Variants in CLEC17A observed in about 807,000 individuals in gnomAD.
CLEC17A encodes C-type lectin domain family 17, member A.
In CLEC17A, 37 loss-of-function variants were observed where a neutral mutation model predicts 61.3. The ratio of observed to expected loss-of-function variants is 0.60; its 90% CI spans 0.46 to 0.79. The LOEUF is 0.79. Ranked by LOEUF, CLEC17A falls within the 30% of genes least tolerant of loss-of-function variation. CLEC17A has a pLI of 0.00. For missense variants in CLEC17A, 418 were observed against 464.7 expected, an observed-to-expected ratio of 0.90 and a Z score of 0.92; for synonymous variants, 168 against 164.9, an observed-to-expected ratio of 1.02 and a Z score of -0.14.
In CLEC17A at chr19:14,597,092, T is replaced by C. The variant is rs73925008; in HGVS notation, c.584-7T>C. 1.7e-3 allele frequency: 2,795 copies of C among 1,613,086 alleles called. 42 individuals carry two copies. In the African/African-American group the frequency reaches 0.033, roughly 19 times the overall value. ...GACCTGGGCTCAATTTGGACTCTTC[T>C]TCATAGACCAGGAGTTGATGGAAGA... On this transcript the variant is annotated splice_polypyrimidine_tract_variant and splice_region_variant and intron_variant, in intron 9 of 13. Coordinates refer to ENST00000417570, the MANE Select transcript of CLEC17A (RefSeq NM_001204118.2).
intron 10 of CLEC17A, among the ~76,000 whole-genome samples, chr19:14,598,476 C>T (rs968190626): frequency 6.7e-6 from 1 of 149,464 alleles, no homozygotes; most frequent in African/African-American, 2.5e-5. Context: ...TTCTTTCTCT[C>T]TTGCTTTCTT....
intron 3 of CLEC17A, 25 bp from the exon 4 acceptor site, chr19:14,592,256 C>T (rs1568449924): frequency 1.3e-6 from 2 of 1,564,646 alleles, no homozygotes; most frequent in Non-Finnish European, 8.7e-7. Flanking sequence ...AATGGCTGGG[C>T]TCTGACTTGC....
At chr19:14,591,889 C>T (rs1298057951) in intron 3 of CLEC17A, among the ~76,000 whole-genome samples, 2 of 126,552 alleles carry the variant, frequency 1.6e-5, no homozygotes, top group African/African-American at 3.4e-5. Flanking sequence ...ATCCAAACTC[C>T]GGAGAAAAAT....
intron 2 of CLEC17A, among the ~76,000 whole-genome samples, chr19:14,586,125 T>C (rs1490292598): frequency 6.7e-6 from 1 of 149,924 alleles, no homozygotes; most frequent in African/African-American, 2.5e-5. Context: ...TTCTTTACTT[T>C]TTTTTTTTTT....
At chr19:14,605,343 G>T (rs150811410) in intron 12 of CLEC17A, among the ~76,000 whole-genome samples, 3,711 of 151,724 alleles carry the variant, frequency 0.024, 69 homozygotes, top group Middle Eastern at 0.054. Context: ...TGATCCACCT[G>T]TGTTGGCCTC....
chr19:14,591,434 G>C (rs1237591114), intron 3 of CLEC17A, among the ~76,000 whole-genome samples: 1 of 148,148 alleles, frequency 6.8e-6, no homozygotes, highest in East Asian at 2.0e-4. Context: ...GATTACAGGC[G>C]TGAGCCACCG....
At chr19:14,603,606 C>T (rs540999976) in intron 12 of CLEC17A, among the ~76,000 whole-genome samples, 17 of 151,794 alleles carry the variant, frequency 1.1e-4, no homozygotes, top group African/African-American at 3.2e-4. Context: ...ACTATAGTCA[C>T]GTGCCACCAC....
At chr19:14,595,754 GTT>G (rs371780025) in intron 8 of CLEC17A, among the ~76,000 whole-genome samples, 1 of 152,132 alleles carries the variant, frequency 6.6e-6, no homozygotes, top group African/African-American at 2.4e-5. Context: ...TGATGGTGTT[GTT>G]GGTATTGATG....
chr19:14,590,263 G>A (rs2074376235), intron 3 of CLEC17A, among the ~76,000 whole-genome samples: 1 of 151,906 alleles, frequency 6.6e-6, no homozygotes, highest in African/African-American at 2.4e-5. Context: ...CTTCCAGGAG[G>A]CACTTCCTGA....
intron 8 of CLEC17A, 44 bp downstream of exon 8, chr19:14,595,359 T>C: frequency 6.2e-7 from 1 of 1,605,914 alleles, no homozygotes; most frequent in Non-Finnish European, 8.5e-7. Flanking sequence ...CTAGTGTATC[T>C]GATTGAGACC....
chr19:14,607,729 G>A (rs929843195), intron 13 of CLEC17A, among the ~76,000 whole-genome samples: 3 of 151,286 alleles, frequency 2.0e-5, no homozygotes, highest in East Asian at 2.0e-4. Context: ...GACACCCGCC[G>A]TCGTGCCTGG....
chr19:14,582,448 G>C (rs983420468), upstream of CLEC17A, among the ~76,000 whole-genome samples: 18 of 151,950 alleles, frequency 1.2e-4, no homozygotes, highest in African/African-American at 4.1e-4. Flanking sequence ...TCCTGACCTC[G>C]TGATCTGCCT....
rs1372294920 is a variant in CLEC17A, at chr19:14,610,444, A to C, written c.*248A>C. ...AGAGCTTGGTGGTGGGAGGTCTCCC[A>C]CTTCTGGGGTTGAAAGGATCTTCAC... is the stretch of plus-strand genomic sequence containing the variant. On this transcript the variant is annotated 3_prime_UTR_variant, in exon 14 of 14. Transcript: ENST00000417570. 5.7e-6 allele frequency: 3 copies of C among 524,208 alleles called. No homozygotes were observed. In the East Asian group the frequency reaches 9.9e-5, roughly 17 times the overall value. 32.5% of individuals were successfully genotyped at this position (524,208 alleles called of 1,614,324 possible). A position where few individuals can be genotyped will look rare whatever the true frequency, so the allele number is the denominator to read the frequency against.
Position 14,599,700 on chromosome 19 carries a change from C to T in CLEC17A, c.647-17C>T. ...GGGTTCTCAGTCTGTAGCCCTCAAG[C>T]CCATCCCTTCTGACAGTGACTGGCA... On this transcript the variant is annotated splice_polypyrimidine_tract_variant and intron_variant, in intron 10 of 13. Coordinates refer to ENST00000417570, the MANE Select transcript of CLEC17A (RefSeq NM_001204118.2). 3 of 1,600,648 alleles carry T rather than the reference C, an allele frequency of 1.9e-6. No individual in the cohort carries two copies. Among genetic ancestry groups the T allele is most frequent in the Non-Finnish European group, 1.7e-6 (2 of 1,168,126 alleles).
chr19:14,603,483 G>A (rs1387785275), intron 12 of CLEC17A, among the ~76,000 whole-genome samples: 1 of 151,690 alleles, frequency 6.6e-6, no homozygotes, highest in Non-Finnish European at 1.5e-5. Flanking sequence ...TTTTTGAGAT[G>A]GGATCTTGCT....
chr19:14,597,197 A>G (rs780388468), intron 10 of CLEC17A, 36 bp downstream of exon 10: 64 of 1,567,016 alleles, frequency 4.1e-5, no homozygotes, highest in Non-Finnish European at 4.7e-5. Context: ...TGCCACTCCT[A>G]TTGAGCCCTA....
At chr19:14,599,021 C>T (rs553168328) in intron 10 of CLEC17A, among the ~76,000 whole-genome samples, 2 of 151,082 alleles carry the variant, frequency 1.3e-5, no homozygotes, top group South Asian at 4.2e-4. Flanking sequence ...TCTGAGTTTT[C>T]CCTCCACTCT....
chr19:14,603,113 CAAG>C, intron 12 of CLEC17A, among the ~76,000 whole-genome samples: 1 of 152,208 alleles, frequency 6.6e-6, no homozygotes. Context: ...CTCAGTTTCA[CAAG>C]AAATACAACT....
At chr19:14,588,976 C>T (rs2074354086) in intron 3 of CLEC17A, among the ~76,000 whole-genome samples, 1 of 151,564 alleles carries the variant, frequency 6.6e-6, no homozygotes. Context: ...CCCTCAAGCC[C>T]TGGGTCTACA....
Sources: allele counts gnomAD v4.1 joint callset (sites outside exome capture counted in the v4.1 genomes callset), GRCh38; gene constraint gnomAD v4.1.1; transcripts MANE v1.5; gene names NCBI Gene and HGNC (gene_info 2026-07-23, HGNC 2026-07-21).